Variants in ZMAT4 observed in about 807,000 individuals in gnomAD.
ZMAT4 encodes the protein zinc finger matrin-type protein 4.
ZMAT4 carries 17 observed loss-of-function variants against 28.7 expected under a neutral mutation model. The observed-to-expected ratio is 0.59, with a 90% CI of 0.41 to 0.89. ZMAT4 has a LOEUF of 0.89. Ranked by LOEUF, ZMAT4 falls within the 40% of genes least tolerant of loss-of-function variation. The probability of loss-of-function intolerance (pLI) is 0.00; values close to 1 mark genes in which losing one functional copy is unlikely to be tolerated. For missense variants in ZMAT4, 240 were observed against 283.8 expected (o/e 0.85, Z 1.11); for synonymous variants, 117 against 109.2 (o/e 1.07, Z -0.44).
chr8:40,858,286 T>C (rs1817368224), intron 1 of ZMAT4, among the ~76,000 whole-genome samples: 1 of 152,138 alleles, frequency 6.6e-6, no homozygotes. Flanking sequence ...CGGTGCTCAT[T>C]TTCACCTTTT....
chr8:40,893,610 C>T (rs1445378716), intron 1 of ZMAT4, among the ~76,000 whole-genome samples: 1 of 152,206 alleles, frequency 6.6e-6, no homozygotes, highest in African/African-American at 2.4e-5. Flanking sequence ...TCTGCCTCTG[C>T]CCAATCCCAC....
intron 3 of ZMAT4, among the ~76,000 whole-genome samples, chr8:40,723,495 A>T (rs1811190934): frequency 8.0e-6 from 1 of 124,292 alleles, no homozygotes; most frequent in African/African-American, 3.0e-5. Flanking sequence ...GTGAGCTGAG[A>T]TTGCACCACT....
intron 5 of ZMAT4, among the ~76,000 whole-genome samples, chr8:40,666,290 GA>G (rs1808410335): frequency 1.3e-5 from 2 of 152,016 alleles, no homozygotes; most frequent in South Asian, 4.1e-4. Flanking sequence ...AGGAAGATAA[GA>G]CTTTTTTCTT....
At chr8:40,763,709 G>A (rs181226090) in intron 3 of ZMAT4, among the ~76,000 whole-genome samples, 1 of 152,172 alleles carries the variant, frequency 6.6e-6, no homozygotes, top group Admixed American at 6.5e-5. Context: ...TAATAAGAAG[G>A]GTTTAGATTA....
At chr8:40,625,317 C>G (rs990446170) in intron 5 of ZMAT4, among the ~76,000 whole-genome samples, 1 of 152,036 alleles carries the variant, frequency 6.6e-6, no homozygotes, top group African/African-American at 2.4e-5. Flanking sequence ...CAATTCTATT[C>G]CAGTTATAAT....
intron 3 of ZMAT4, among the ~76,000 whole-genome samples, chr8:40,713,505 A>T (rs899293581): frequency 6.6e-5 from 10 of 152,202 alleles, no homozygotes; most frequent in African/African-American, 1.4e-4. Flanking sequence ...AACCATACAT[A>T]TTTTTAAATG....
At position 40,741,210 on chromosome 8, in the gene ZMAT4, C is replaced by T. The variant is rs913823646; in HGVS notation, c.192+26431G>A. On this transcript the variant is annotated intron_variant, in intron 3 of 6. Coordinates refer to ENST00000297737, the MANE Select transcript of ZMAT4 (RefSeq NM_024645.3). ...CTGTAATCCTAGCACTTTGGGAGGC[C>T]GAGGAGGGTGGATCACCTGAGGTCA... Among the ~76,000 whole-genome samples the T allele has an allele frequency of 9.9e-5, 15 of 151,922 alleles. 1 individual carries two copies. The highest frequency in any genetic ancestry group is 1.7e-4 in the African/African-American group (7 of 41,350).
At chr8:40,757,518 G>A (rs776891559) in intron 3 of ZMAT4, among the ~76,000 whole-genome samples, 7 of 151,686 alleles carry the variant, frequency 4.6e-5, no homozygotes, top group Non-Finnish European at 7.4e-5. Flanking sequence ...CCTGGAGGGC[G>A]GAGGTTGCAG....
intron 5 of ZMAT4, among the ~76,000 whole-genome samples, chr8:40,668,795 A>C (rs1808550062): frequency 6.6e-6 from 1 of 152,078 alleles, no homozygotes; most frequent in South Asian, 2.1e-4. Context: ...GGACAACAAC[A>C]ACCATTTTTC....
intron 3 of ZMAT4, among the ~76,000 whole-genome samples, chr8:40,725,404 TA>T (rs1811277256): frequency 6.6e-6 from 1 of 152,122 alleles, no homozygotes; most frequent in African/African-American, 2.4e-5. Flanking sequence ...TTCATTTTTG[TA>T]TGTATTAGTA....
intron 1 of ZMAT4, among the ~76,000 whole-genome samples, chr8:40,858,773 C>T (rs1172296334): frequency 6.6e-6 from 1 of 152,214 alleles, no homozygotes; most frequent in Admixed American, 6.5e-5. Flanking sequence ...CCCTACTCCT[C>T]TCCTCTTCTC....
At chr8:40,581,351 T>C in intron 5 of ZMAT4, 90 bp from the exon 6 acceptor site, 1 of 1,098,786 alleles carries the variant, frequency 9.1e-7, no homozygotes, top group Non-Finnish European at 1.4e-6. Context: ...AGGGACACAG[T>C]GTCGGAGATA....
At chr8:40,853,641 G>C (rs1817194826) in intron 1 of ZMAT4, among the ~76,000 whole-genome samples, 1 of 152,098 alleles carries the variant, frequency 6.6e-6, no homozygotes, top group Non-Finnish European at 1.5e-5. Context: ...GTTTGTTTTT[G>C]GTTTCTTTTT....
intron 5 of ZMAT4, among the ~76,000 whole-genome samples, chr8:40,603,766 C>G (rs1263993505): frequency 2.0e-5 from 3 of 151,994 alleles, no homozygotes; most frequent in Non-Finnish European, 4.4e-5. Flanking sequence ...GTAGCTGGGA[C>G]TACAGGTGCC....
intron 2 of ZMAT4, among the ~76,000 whole-genome samples, chr8:40,819,167 T>C (rs1815652666): frequency 6.6e-6 from 1 of 152,140 alleles, no homozygotes; most frequent in African/African-American, 2.4e-5. Flanking sequence ...AGGTCCAATA[T>C]GCCTGCTGCT....
At chr8:40,650,353 A>T (rs1237575092) in intron 5 of ZMAT4, among the ~76,000 whole-genome samples, 1 of 139,534 alleles carries the variant, frequency 7.2e-6, no homozygotes, top group South Asian at 2.5e-4. Context: ...CTCGACACAT[A>T]CACTCTCCCA....
intron 2 of ZMAT4, among the ~76,000 whole-genome samples, chr8:40,770,354 C>T (rs1007885923): frequency 1.2e-4 from 18 of 152,028 alleles, no homozygotes; most frequent in Non-Finnish European, 2.6e-4. Flanking sequence ...AAAGCTGCTT[C>T]CAAATTACGT....
rs1249243607 is a variant in ZMAT4, at chr8:40,696,856, A to G, written c.349+389T>C. 7.6e-5 allele frequency: 12 copies of G among 158,468 alleles called. No homozygotes were observed. The Admixed American group carries it at 7.8e-4, about 10-fold the overall frequency. The allele number at this position is 158,468 out of a possible 1,614,324, so 9.8% of individuals were successfully genotyped here. Reference sequence around the variant, plus strand: ...AAGGATGATGTCCTGCATTATAGACATTGGTAGGGGACCTCTCTATTACAC... The same window carrying G: ...AAGGATGATGTCCTGCATTATAGACGTTGGTAGGGGACCTCTCTATTACAC... On this transcript the variant is annotated intron_variant, in intron 4 of 6. Coordinates refer to ENST00000297737, the MANE Select transcript of ZMAT4 (RefSeq NM_024645.3).
At chr8:40,690,993 G>T in intron 4 of ZMAT4, 3 of 905,104 alleles carry the variant, frequency 3.3e-6, no homozygotes, top group Non-Finnish European at 1.3e-6. Context: ...ATCTGTCTTT[G>T]TTGCTACCAA....
Sources: allele counts gnomAD v4.1 joint callset (sites outside exome capture counted in the v4.1 genomes callset), GRCh38; gene constraint gnomAD v4.1.1; transcripts MANE v1.5; gene names NCBI Gene and HGNC (gene_info 2026-07-23, HGNC 2026-07-21).